The following INTS9 variants were observed in gnomAD, a reference collection of about 807,000 sequenced individuals.
The protein encoded by INTS9 is protein related to CPSF subunits of 74 kDa.
Under a neutral mutation model 79.7 loss-of-function variants are expected in INTS9, and 55 were observed. That is an observed-to-expected ratio of 0.69 (90% CI 0.56 to 0.86). The LOEUF is 0.86. Ranked by LOEUF, INTS9 falls within the 40% of genes least tolerant of loss-of-function variation. The probability of loss-of-function intolerance (pLI) is 0.00; values close to 1 mark genes in which losing one functional copy is unlikely to be tolerated. For missense variants in INTS9, 721 were observed against 831.5 expected (o/e 0.87, Z 1.64); for synonymous variants, 319 against 325.2 (o/e 0.98, Z 0.20).
intron 13 of INTS9, among the ~76,000 whole-genome samples, chr8:28,777,259 G>T (rs188865911): frequency 6.6e-6 from 1 of 152,046 alleles, no homozygotes; most frequent in Non-Finnish European, 1.5e-5. Context: ...TTCCTCTCCC[G>T]ACTCTCAAGA....
At chr8:28,829,180 A>C (rs1431535289) in intron 6 of INTS9, among the ~76,000 whole-genome samples, 2 of 151,666 alleles carry the variant, frequency 1.3e-5, no homozygotes, top group African/African-American at 4.9e-5. Context: ...AGTTTTATAC[A>C]AAAAAAGTAC....
At chr8:28,770,710 C>T (rs1802478628) in intron 15 of INTS9, among the ~76,000 whole-genome samples, 2 of 152,208 alleles carry the variant, frequency 1.3e-5, no homozygotes, top group Admixed American at 1.3e-4. Flanking sequence ...CCGGTTCCAG[C>T]CCCCAAGGGC....
At chr8:28,779,694 G>T (rs1220804764) in intron 12 of INTS9, among the ~76,000 whole-genome samples, 4 of 152,196 alleles carry the variant, frequency 2.6e-5, no homozygotes, top group Non-Finnish European at 4.4e-5. Context: ...GTCCTGCAAG[G>T]TCTTTTTGCT....
chr8:28,825,296 T>C (rs1010241075), intron 6 of INTS9, among the ~76,000 whole-genome samples: 5 of 152,186 alleles, frequency 3.3e-5, no homozygotes, highest in African/African-American at 1.2e-4. Flanking sequence ...GGGACCGTGA[T>C]GGATAATGAT....
At chr8:28,882,298 C>T (rs1809897679) in intron 1 of INTS9, among the ~76,000 whole-genome samples, 1 of 124,416 alleles carries the variant, frequency 8.0e-6, no homozygotes, top group South Asian at 2.4e-4. Flanking sequence ...ATCTTAAGTA[C>T]CCAGGGACAC....
chr8:28,859,540 G>C lies in INTS9; in HGVS notation c.33C>G (p.Thr11=). 6.2e-7 allele frequency: 1 copy of C among 1,614,132 alleles called. No homozygotes were observed. Among genetic ancestry groups the C allele is most frequent in the Non-Finnish European group, 8.5e-7 (1 of 1,179,986 alleles). Residue 11 remains threonine (T), a synonymous_variant, in exon 2 of 17, where the codon ACC becomes ACG. Transcript: ENST00000521022. MKLYCLSGHP[T]LPCNVLKFKS... Reference sequence around the variant, plus strand: ...TGAATTTGAGCACATTGCATGGTAAGGTTGGGTGCCCTGACAGGCAATACT... The same window carrying C: ...TGAATTTGAGCACATTGCATGGTAACGTTGGGTGCCCTGACAGGCAATACT...
rs1191705925 is a variant in INTS9, at chr8:28,818,023, G to C, written c.489-4411C>G. Among the ~76,000 whole-genome samples, 18 of 146,952 alleles carry C rather than the reference G, an allele frequency of 1.2e-4. No homozygotes were observed. In the East Asian group the frequency reaches 2.0e-3, roughly 16 times the overall value. On this transcript the variant is annotated intron_variant, in intron 6 of 16. Transcript: ENST00000521022. ...TTTTGTATCCTGAGACTTTGCTGAA[G>C]TTGCTTATCAGCTTAAGGAGATTTT...
At chr8:28,772,894 ATAAC>A (rs1228587502) in intron 14 of INTS9, among the ~76,000 whole-genome samples, 1 of 152,232 alleles carries the variant, frequency 6.6e-6, no homozygotes, top group Non-Finnish European at 1.5e-5. Context: ...AAATTGGAAA[ATAAC>A]TAAAAAAGGA....
intron 5 of INTS9, 91 bp from the exon 6 acceptor site, chr8:28,835,469 C>CA: frequency 1.3e-6 from 1 of 765,372 alleles, no homozygotes; most frequent in Non-Finnish European, 2.2e-6. Context: ...AATGACTTGC[C>CA]CACCTCCCCC....
Position 28,777,785 on chromosome 8 carries a change from A to G in INTS9, c.1395+44T>C, listed in dbSNP as rs749169284. ...CCCCACACAAGCATGAGCCACACCA[A>G]GGTGACATGACTACGTGAAGGCACA... On this transcript the variant is annotated intron_variant, in intron 13 of 16. Transcript: ENST00000521022. The G allele has an allele frequency of 1.8e-5, 28 of 1,557,362 alleles. 2 individuals are homozygous for G. In the Middle Eastern group the frequency reaches 5.4e-4, roughly 30 times the overall value.
chr8:28,854,865 A>G (rs1481837454), intron 2 of INTS9, among the ~76,000 whole-genome samples: 1 of 152,212 alleles, frequency 6.6e-6, no homozygotes, highest in Non-Finnish European at 1.5e-5. Flanking sequence ...GCTCCCACTT[A>G]CAGGTGAGAA....
At chr8:28,836,043 C>G (rs550684255) in intron 5 of INTS9, among the ~76,000 whole-genome samples, 117 of 152,232 alleles carry the variant, frequency 7.7e-4, no homozygotes, top group African/African-American at 2.6e-3. Flanking sequence ...CTCCTGACCT[C>G]AGGTGATCCA....
chr8:28,839,809 T>G (rs1177917011), intron 4 of INTS9, among the ~76,000 whole-genome samples: 2 of 151,342 alleles, frequency 1.3e-5, no homozygotes, highest in Non-Finnish European at 2.9e-5. Flanking sequence ...ATTAAAGACT[T>G]AAACGTTAGA....
At chr8:28,823,585 T>C (rs1329938673) in intron 6 of INTS9, among the ~76,000 whole-genome samples, 1 of 144,902 alleles carries the variant, frequency 6.9e-6, no homozygotes, top group Non-Finnish European at 1.5e-5. Flanking sequence ...TGTGTACCTT[T>C]CTTCTGTTAA....
chr8:28,815,833 A>G (rs1398564335), intron 6 of INTS9, among the ~76,000 whole-genome samples: 1 of 152,170 alleles, frequency 6.6e-6, no homozygotes, highest in East Asian at 1.9e-4. Context: ...TTCAATTACT[A>G]AATACTATAA....
intron 1 of INTS9, among the ~76,000 whole-genome samples, chr8:28,863,542 A>G (rs1373968386): frequency 2.0e-5 from 3 of 152,226 alleles, no homozygotes; most frequent in African/African-American, 7.2e-5. Context: ...TTGGGAGGCC[A>G]AGGCGGGAAG....
chr8:28,771,138 C>G, intron 14 of INTS9, 58 bp from the exon 15 acceptor site: 1 of 1,149,068 alleles, frequency 8.7e-7, no homozygotes, highest in African/African-American at 1.5e-5. Context: ...ATTACTCTTC[C>G]TTTAATCTGT....
chr8:28,871,304 C>T (rs547049228), intron 1 of INTS9, among the ~76,000 whole-genome samples: 41 of 152,244 alleles, frequency 2.7e-4, no homozygotes, highest in Middle Eastern at 3.4e-3. Flanking sequence ...TTTCAGTTTA[C>T]CTTGGTCCAT....
At chr8:28,805,297 C>G (rs1585383915) in intron 8 of INTS9, among the ~76,000 whole-genome samples, 1 of 152,140 alleles carries the variant, frequency 6.6e-6, no homozygotes, top group African/African-American at 2.4e-5. Flanking sequence ...AAGCTTTATC[C>G]TATCGAAGTT....
Sources: gnomAD v4.1 joint callset for allele counts (sites outside exome capture counted in the v4.1 genomes callset) on GRCh38, gnomAD v4.1.1 for gene constraint, MANE v1.5 for transcripts, NCBI Gene and HGNC (gene_info 2026-07-23, HGNC 2026-07-21) for gene names.